The following HDX variants were observed in gnomAD, a reference collection of about 807,000 sequenced individuals.
HDX encodes the protein highly divergent homeobox.
In HDX, 19 loss-of-function variants were observed where a neutral mutation model predicts 45.2. That is an observed-to-expected ratio of 0.42 (90% CI 0.29 to 0.62). The LOEUF is 0.62. HDX is among the 20% of genes least tolerant of loss of function. HDX has a pLI of 0.20. For missense variants in HDX, 532 were observed against 493.9 expected, an observed-to-expected ratio of 1.08 and a Z score of -0.73; for synonymous variants, 188 against 172.8, an observed-to-expected ratio of 1.09 and a Z score of -0.69.
chrX:84,344,415 T>G lies in HDX; in HGVS notation c.1495A>C (p.Ile499Leu). Residue 499 changes from isoleucine (I) to leucine (L), a missense_variant, in exon 7 of 11, where the codon ATT becomes CTT. Transcript: ENST00000373177. ...NRRRKYRLMG[I>L]EVPPPRGGPA... is the part of the protein sequence containing the mutation. The stretch of plus-strand genomic sequence containing the variant: ...CCTCCTCTTGGAGGTGGAACTTCAA[T>G]CCCCATTAAACGATATTTCCTTCTT... The G allele has an allele frequency of 8.3e-7, 1 of 1,206,133 alleles. No homozygotes were observed. Among genetic ancestry groups the G allele is most frequent in the Non-Finnish European group, 1.1e-6 (1 of 891,168 alleles).
chrX:84,396,512 G>A (rs1331221787), intron 5 of HDX, among the ~76,000 whole-genome samples: 2 of 111,990 alleles, frequency 1.8e-5, no homozygotes, highest in Non-Finnish European at 3.8e-5. Context: ...TGATTCTTGG[G>A]CCTCTACATT....
intron 5 of HDX, among the ~76,000 whole-genome samples, chrX:84,418,492 G>A (rs1364755659): frequency 1.8e-5 from 2 of 111,628 alleles, no homozygotes; most frequent in Non-Finnish European, 3.8e-5. Flanking sequence ...TACTTTTAAC[G>A]GTGAAAATGG....
chrX:84,348,961 T>G (rs1427416433), intron 6 of HDX, among the ~76,000 whole-genome samples: 1 of 111,644 alleles, frequency 9.0e-6, no homozygotes, highest in African/African-American at 3.3e-5. Context: ...AGGGAGTTTT[T>G]CTCCAATATT....
intron 7 of HDX, among the ~76,000 whole-genome samples, chrX:84,340,506 T>C (rs1050433527): frequency 1.8e-5 from 2 of 110,852 alleles, no homozygotes; most frequent in Non-Finnish European, 3.8e-5. Context: ...ATTTCTTAGA[T>C]GTAATTAATG....
intron 5 of HDX, among the ~76,000 whole-genome samples, chrX:84,419,852 C>A (rs560419876): frequency 8.9e-6 from 1 of 111,980 alleles, no homozygotes; most frequent in South Asian, 3.7e-4. Context: ...GAAAGTAAGG[C>A]AAGAGAACAA....
chrX:84,442,619 A>T (rs1224907293), intron 4 of HDX, among the ~76,000 whole-genome samples: 5 of 110,838 alleles, frequency 4.5e-5, no homozygotes, highest in Non-Finnish European at 9.5e-5. Flanking sequence ...TTCAAAATGT[A>T]TTTTTTCTTT....
intron 5 of HDX, among the ~76,000 whole-genome samples, chrX:84,374,917 T>A (rs1361240009): frequency 8.8e-4 from 90 of 102,729 alleles, no homozygotes; most frequent in Non-Finnish European, 9.9e-4. Flanking sequence ...ACTAAAGAGC[T>A]TCTGCACAGC....
chrX:84,354,906 CATATATATAT>C (rs201172786), intron 6 of HDX, among the ~76,000 whole-genome samples: 1 of 83,143 alleles, frequency 1.2e-5, no homozygotes, highest in Non-Finnish European at 2.4e-5. Context: ...AATAAAGAGA[CATATATATAT>C]ATACACACAC....
At chrX:84,486,965 G>T (rs1299384497) in intron 2 of HDX, among the ~76,000 whole-genome samples, 2 of 111,177 alleles carry the variant, frequency 1.8e-5, no homozygotes, top group Non-Finnish European at 3.8e-5. Flanking sequence ...GGATTTCAGT[G>T]ACATGAATAC....
intron 5 of HDX, among the ~76,000 whole-genome samples, chrX:84,411,135 A>T (rs772329956): frequency 9.0e-6 from 1 of 111,337 alleles, no homozygotes; most frequent in Non-Finnish European, 1.9e-5. Context: ...AATATTTTCT[A>T]TAGTTTTTCA....
At chrX:84,414,591 C>T (rs1191054992) in intron 5 of HDX, among the ~76,000 whole-genome samples, 2 of 96,324 alleles carry the variant, frequency 2.1e-5, no homozygotes, top group Non-Finnish European at 4.5e-5. Context: ...TAAAGGTGTT[C>T]TTACTAAATA....
Position 84,320,681 on chromosome X carries a change from G to A in HDX, c.*1208C>T, listed in dbSNP as rs1354852737. On this transcript the variant is annotated 3_prime_UTR_variant, in exon 11 of 11. Coordinates refer to ENST00000373177, the MANE Select transcript of HDX (RefSeq NM_001177479.2). ...CCAAGTCACAAATATATGACACTGT[G>A]GGCTTAGGGAGAAACTGACATTTTT... is the stretch of plus-strand genomic sequence containing the variant. 2 of 110,575 alleles carry A rather than the reference G, an allele frequency of 1.8e-5. No homozygotes were observed. Among genetic ancestry groups the A allele is most frequent in the Non-Finnish European group, 3.8e-5 (2 of 52,350 alleles). 9.1% of individuals were successfully genotyped at this position (110,575 alleles called of 1,213,427 possible).
intron 2 of HDX, among the ~76,000 whole-genome samples, chrX:84,484,158 T>G (rs7058857): frequency 0.01 from 1,148 of 112,123 alleles, 23 homozygotes; most frequent in African/African-American, 0.036. Flanking sequence ...TCCAACCTCT[T>G]CCTGTTACTC....
chrX:84,354,659 A>T (rs2037431479), intron 6 of HDX, among the ~76,000 whole-genome samples: 1 of 109,734 alleles, frequency 9.1e-6, no homozygotes, highest in African/African-American at 3.3e-5. Context: ...GATAAAAAGA[A>T]CACGCTAGAA....
chrX:84,488,593 A>G (rs2040839593), intron 1 of HDX, among the ~76,000 whole-genome samples: 3 of 111,309 alleles, frequency 2.7e-5, no homozygotes, highest in Admixed American at 1.9e-4. Context: ...ATGAAGACAT[A>G]TGAAAATTCC....
intron 4 of HDX, among the ~76,000 whole-genome samples, chrX:84,459,292 A>T (rs1301159179): frequency 9.1e-6 from 1 of 110,216 alleles, no homozygotes; most frequent in Non-Finnish European, 1.9e-5. Flanking sequence ...AATACAAAAA[A>T]TTAGCCGGGC....
intron 8 of HDX, among the ~76,000 whole-genome samples, chrX:84,334,462 G>A (rs961610936): frequency 1.8e-5 from 2 of 109,629 alleles, no homozygotes; most frequent in African/African-American, 3.3e-5. Context: ...GAAAGAGAAA[G>A]GAGAGAGACA....
At chrX:84,346,144 G>A (rs2037197648) in intron 6 of HDX, among the ~76,000 whole-genome samples, 1 of 110,764 alleles carries the variant, frequency 9.0e-6, no homozygotes, top group African/African-American at 3.3e-5. Flanking sequence ...AATAAAAAAT[G>A]GGTTCACTGA....
chrX:84,422,692 A>G (rs190243630), intron 5 of HDX, among the ~76,000 whole-genome samples: 13,349 of 83,212 alleles, frequency 0.16, 1,091 homozygotes, highest in South Asian at 0.26. Flanking sequence ...TTTTTGAGAC[A>G]GAGTCTGGCT....
Sources: gnomAD v4.1 joint callset for allele counts (sites outside exome capture counted in the v4.1 genomes callset) on GRCh38, gnomAD v4.1.1 for gene constraint, MANE v1.5 for transcripts, NCBI Gene and HGNC (gene_info 2026-07-23, HGNC 2026-07-21) for gene names.